Variants in MYO3A observed in about 807,000 individuals in gnomAD.
MYO3A encodes myosin-IIIa.
A neutral mutation model predicts 192.7 loss-of-function variants in MYO3A; 180 were observed. That is an observed-to-expected ratio of 0.93 (90% CI 0.83 to 1.06). MYO3A has a LOEUF of 1.06. Ranked by LOEUF, MYO3A falls within the 50% of genes least tolerant of loss-of-function variation. MYO3A has a pLI of 0.00. For missense variants in MYO3A, 1,896 were observed against 1,905.0 expected (o/e 1.00, Z 0.09); for synonymous variants, 628 against 645.3 (o/e 0.97, Z 0.41).
At chr10:26,059,437 T>C (rs1357146425) in intron 10 of MYO3A, among the ~76,000 whole-genome samples, 6 of 152,226 alleles carry the variant, frequency 3.9e-5, no homozygotes, top group Non-Finnish European at 7.4e-5. Flanking sequence ...TCTATTGATA[T>C]GATCATGTCA....
At chr10:26,146,019 G>T (rs749774883) in intron 22 of MYO3A, among the ~76,000 whole-genome samples, 1 of 152,040 alleles carries the variant, frequency 6.6e-6, no homozygotes, top group Non-Finnish European at 1.5e-5. Context: ...TGCACTCTTT[G>T]TCCCTCCTCC....
intron 20 of MYO3A, among the ~76,000 whole-genome samples, chr10:26,130,789 G>A (rs1201919930): frequency 1.3e-5 from 2 of 152,168 alleles, no homozygotes; most frequent in Non-Finnish European, 2.9e-5. Flanking sequence ...ACACGTGAGT[G>A]TACTTGTTTT....
intron 2 of MYO3A, among the ~76,000 whole-genome samples, chr10:25,941,311 A>G (rs1319859929): frequency 6.6e-6 from 1 of 152,216 alleles, no homozygotes; most frequent in Non-Finnish European, 1.5e-5. Context: ...ACTGATGGAG[A>G]CATCACCATA....
rs1215037655 is a variant in MYO3A at position 26,117,502 on chromosome 10, A to G, written c.1777-3174A>G. On this transcript the variant is annotated intron_variant, in intron 17 of 34. Coordinates refer to ENST00000642920, the MANE Select transcript of MYO3A (RefSeq NM_017433.5). Reference sequence around the variant, plus strand: ...CCTGTGCCACACCTCCTACTGTCCAACCTCTAATAGGCCCCAGTGTGTGTT... The same window carrying G: ...CCTGTGCCACACCTCCTACTGTCCAGCCTCTAATAGGCCCCAGTGTGTGTT... Among the ~76,000 whole-genome samples the G allele has an allele frequency of 2.6e-5, 4 of 151,922 alleles. No individual in the cohort carries two copies. In the South Asian group the frequency reaches 6.3e-4, roughly 24 times the overall value.
intron 17 of MYO3A, among the ~76,000 whole-genome samples, chr10:26,100,407 A>G (rs1269211328): frequency 1.3e-5 from 2 of 152,096 alleles, no homozygotes; most frequent in Non-Finnish European, 2.9e-5. Flanking sequence ...TATCTACTTC[A>G]GTTCTGCTCT....
At chr10:26,170,114 G>A (rs1012477053) in intron 28 of MYO3A, among the ~76,000 whole-genome samples, 1 of 152,152 alleles carries the variant, frequency 6.6e-6, no homozygotes, top group African/African-American at 2.4e-5. Context: ...AAATGAAAAT[G>A]ATTATTACTG....
chr10:26,117,546 C>G (rs899393390), intron 17 of MYO3A, among the ~76,000 whole-genome samples: 4 of 152,060 alleles, frequency 2.6e-5, no homozygotes, highest in African/African-American at 9.7e-5. Flanking sequence ...CTATGTGTCC[C>G]TGTGTTCTCA....
chr10:26,078,011 T>C (rs755313351), intron 14 of MYO3A, among the ~76,000 whole-genome samples: 8 of 152,230 alleles, frequency 5.3e-5, no homozygotes, highest in South Asian at 4.1e-4. Flanking sequence ...GCTGGTTTTA[T>C]AGAATGAATT....
At chr10:25,989,066 A>C (rs912748806) in intron 4 of MYO3A, among the ~76,000 whole-genome samples, 2 of 150,684 alleles carry the variant, frequency 1.3e-5, no homozygotes, top group Non-Finnish European at 2.9e-5. Context: ...TCAGCCTACC[A>C]AGTAGCTGAA....
intron 10 of MYO3A, among the ~76,000 whole-genome samples, chr10:26,054,353 T>C (rs2131304410): frequency 6.6e-6 from 1 of 152,362 alleles, no homozygotes; most frequent in East Asian, 1.9e-4. Context: ...TATTGTTTAA[T>C]GAAGAAATCC....
chr10:26,145,715 T>C (rs1840422610), intron 22 of MYO3A, among the ~76,000 whole-genome samples, 181 bp downstream of exon 22: 1 of 152,216 alleles, frequency 6.6e-6, no homozygotes, highest in African/African-American at 2.4e-5. Flanking sequence ...TGTCCTTTGC[T>C]AGCCACTCAC....
At chr10:26,172,305 G>A (rs1842089921) in intron 29 of MYO3A, among the ~76,000 whole-genome samples, 1 of 152,210 alleles carries the variant, frequency 6.6e-6, no homozygotes, top group Non-Finnish European at 1.5e-5. Context: ...ACCACAGCGG[G>A]GAGCTGGAGA....
intron 10 of MYO3A, among the ~76,000 whole-genome samples, chr10:26,043,126 T>G (rs1225271242): frequency 6.6e-6 from 1 of 150,454 alleles, no homozygotes; most frequent in Non-Finnish European, 1.5e-5. Flanking sequence ...TTTGTTCTCT[T>G]CCTGTACTTT....
intron 4 of MYO3A, among the ~76,000 whole-genome samples, chr10:25,995,816 C>T (rs566778300): frequency 3.0e-4 from 45 of 152,322 alleles, no homozygotes; most frequent in African/African-American, 8.7e-4. Flanking sequence ...TGCAGAACAG[C>T]GAATATTGCT....
At chr10:25,972,406 A>G (rs1198074074) in intron 4 of MYO3A, among the ~76,000 whole-genome samples, 1 of 152,004 alleles carries the variant, frequency 6.6e-6, no homozygotes, top group Admixed American at 6.6e-5. Context: ...TTTGCTTTGG[A>G]ATATTTGTCC....
At chr10:26,211,819 T>C (rs759944114) in intron 34 of MYO3A, 24 bp from the exon 35 acceptor site, 2 of 1,613,770 alleles carry the variant, frequency 1.2e-6, no homozygotes, top group Non-Finnish European at 1.7e-6. Context: ...AGGTTGACAC[T>C]TGGGCCCTGG....
At chr10:26,186,072 A>C (rs1252807510) in intron 31 of MYO3A, among the ~76,000 whole-genome samples, 1 of 152,210 alleles carries the variant, frequency 6.6e-6, no homozygotes, top group Non-Finnish European at 1.5e-5. Context: ...GTTGCAGTAA[A>C]TATCATTGAA....
intron 4 of MYO3A, among the ~76,000 whole-genome samples, chr10:25,991,864 T>C (rs1262969103): frequency 1.3e-5 from 2 of 152,174 alleles, no homozygotes; most frequent in Non-Finnish European, 2.9e-5. Flanking sequence ...TTCTGTTCCA[T>C]TGGTCTATAT....
At chr10:26,044,253 T>C (rs72793976) in intron 10 of MYO3A, among the ~76,000 whole-genome samples, 24,756 of 152,256 alleles carry the variant, frequency 0.16, 2,307 homozygotes, top group Non-Finnish European at 0.21. Flanking sequence ...GATTCTGTTT[T>C]GGAGCTGTGA....
Sources: allele counts gnomAD v4.1 joint callset (sites outside exome capture counted in the v4.1 genomes callset), GRCh38; gene constraint gnomAD v4.1.1; transcripts MANE v1.5; gene names NCBI Gene and HGNC (gene_info 2026-07-23, HGNC 2026-07-21).